The following SLC25A29 variants were observed in gnomAD, a reference collection of about 807,000 sequenced individuals.
SLC25A29 encodes mitochondrial basic amino acids transporter.
A neutral mutation model predicts 10.0 loss-of-function variants in SLC25A29; 13 were observed. The ratio of observed to expected loss-of-function variants is 1.30; its 90% CI spans 0.85 to 2.07. SLC25A29 has a LOEUF of 2.07. SLC25A29 is among the 30% of genes most tolerant of loss of function. The pLI is 0.00. For missense variants in SLC25A29, 475 were observed against 447.6 expected, an observed-to-expected ratio of 1.06 and a Z score of -0.55; for synonymous variants, 244 against 221.1, an observed-to-expected ratio of 1.10 and a Z score of -0.92.
the SLC25A29 span, among the ~76,000 whole-genome samples, chr14:100,285,568 A>AGCCGCC: frequency 4.3e-4 from 65 of 151,616 alleles, no homozygotes; most frequent in Admixed American, 5.9e-4. Context: ...GGTCCCCGCG[A>AGCCGCC]GCCGCCGCCG....
downstream of SLC25A29, among the ~76,000 whole-genome samples, chr14:100,289,389 G>A (rs1370778753): frequency 2.0e-5 from 3 of 152,230 alleles, no homozygotes; most frequent in African/African-American, 7.2e-5. Context: ...ACTTGCCCAA[G>A]ATGTGTTGGA....
intron 2 of SLC25A29, among the ~76,000 whole-genome samples, chr14:100,297,355 G>C (rs112644660): frequency 5.3e-5 from 8 of 152,348 alleles, no homozygotes; most frequent in African/African-American, 1.9e-4. Context: ...CAGAGCACCA[G>C]AACGAAAGTG....
At chr14:100,282,798 G>A in the SLC25A29 span, 6 of 152,236 alleles carry the variant, frequency 3.9e-5, no homozygotes, top group Non-Finnish European at 8.8e-5. Flanking sequence ...TTTAATGCCT[G>A]TGGTTCTTGT....
At chr14:100,305,459 AG>A (rs2139813440) in intron 1 of SLC25A29, 1 of 152,242 alleles carries the variant, frequency 6.6e-6, no homozygotes, top group Admixed American at 6.5e-5. Context: ...AAAGCAGAGA[AG>A]CCAGAGGCCC....
At chr14:100,301,844 A>C (rs748021476) in intron 1 of SLC25A29, among the ~76,000 whole-genome samples, 9 of 151,926 alleles carry the variant, frequency 5.9e-5, no homozygotes, top group Non-Finnish European at 1.2e-4. Flanking sequence ...CATTATATAG[A>C]AACAGGGTAA....
chr14:100,293,047 A>C lies in SLC25A29; in HGVS notation c.163-15T>G. On this transcript the variant is annotated splice_polypyrimidine_tract_variant and intron_variant, in intron 3 of 3. Coordinates refer to ENST00000359232, the MANE Select transcript of SLC25A29 (RefSeq NM_001039355.3). Reference sequence around the variant, plus strand: ...AGGCCCAGCACCTGCGGGGACAGAGACGCCATCAGAGCCGGCAACGCGCAC... The same window carrying C: ...AGGCCCAGCACCTGCGGGGACAGAGCCGCCATCAGAGCCGGCAACGCGCAC... 1 of 1,516,950 alleles carries C rather than the reference A, an allele frequency of 6.6e-7. No homozygotes were observed. The highest frequency in any genetic ancestry group is 8.8e-7 in the Non-Finnish European group (1 of 1,137,004). 94.0% of individuals were successfully genotyped at this position (1,516,950 alleles called of 1,614,324 possible).
chr14:100,296,779 T>C (rs147743408), intron 2 of SLC25A29, among the ~76,000 whole-genome samples: 1 of 152,190 alleles, frequency 6.6e-6, no homozygotes, highest in East Asian at 1.9e-4. Flanking sequence ...TTTGTATGTT[T>C]AGTAGAGACA....
the SLC25A29 span, chr14:100,282,061 G>A: frequency 3.3e-5 from 5 of 152,226 alleles, no homozygotes; most frequent in African/African-American, 9.7e-5. Context: ...GTTAGCATCA[G>A]GTCAGCAGGC....
chr14:100,280,551 T>C, the SLC25A29 span: 22 of 152,220 alleles, frequency 1.4e-4, no homozygotes, highest in African/African-American at 5.3e-4. Flanking sequence ...TGGTTTCATA[T>C]GGTGTTTGTG....
the SLC25A29 span, among the ~76,000 whole-genome samples, chr14:100,284,567 C>T: frequency 8.5e-5 from 13 of 152,350 alleles, no homozygotes; most frequent in African/African-American, 3.1e-4. Flanking sequence ...AATGGATCAC[C>T]TCTTGTCCTG....
chr14:100,292,233 T>C lies in SLC25A29; in HGVS notation c.*50A>G, dbSNP rs1891750836. 4 of 1,526,224 alleles carry C rather than the reference T, an allele frequency of 2.6e-6. No individual in the cohort carries two copies. Among genetic ancestry groups the C allele is most frequent in the Non-Finnish European group, 3.5e-6 (4 of 1,138,454 alleles). 94.5% of individuals were successfully genotyped at this position (1,526,224 alleles called of 1,614,324 possible). ...GGCAATCGACTCAGGGGCCAATTTA[T>C]GTCCCAGGTTTCTGAGAAGGAGCCC... On this transcript the variant is annotated 3_prime_UTR_variant, in exon 4 of 4. Transcript: ENST00000359232.
chr14:100,292,666 G>A lies in SLC25A29; in HGVS notation c.529C>T (p.Arg177Trp), dbSNP rs772653305. ...VYFLTYDALTRALGCEPGDRL... is the reference protein window; with the variant it reads ...VYFLTYDALTWALGCEPGDRL... ...TCGCCCGGCTCGCAGCCCAGCGCCCGCGTGAGAGCGTCATAGGTGAGGAAG... is the reference window on the plus strand; with the variant it reads ...TCGCCCGGCTCGCAGCCCAGCGCCCACGTGAGAGCGTCATAGGTGAGGAAG... The change falls in exon 4 of 4, where the codon CGG (arginine) becomes TGG (tryptophan). Residue 177 changes from arginine to tryptophan, a missense_variant. Coordinates refer to ENST00000359232, the MANE Select transcript of SLC25A29 (RefSeq NM_001039355.3). 6.9e-6 allele frequency: 11 copies of A among 1,599,846 alleles called. No homozygotes were observed. Among genetic ancestry groups the A allele is most frequent in the Admixed American group, 1.7e-5 (1 of 57,682 alleles).
the SLC25A29 span, among the ~76,000 whole-genome samples, chr14:100,284,072 CCCAGTGGCCTCCT>C: frequency 4.3e-4 from 66 of 152,182 alleles, no homozygotes; most frequent in African/African-American, 1.5e-3. Context: ...CACATATGTA[CCCAGTGGCCTCCT>C]CCAAACCACC....
At position 100,297,440 on chromosome 14, in the gene SLC25A29, G is replaced by T. The variant is rs1595362814; in HGVS notation, c.78+1402C>A. Among the ~76,000 whole-genome samples the T allele has an allele frequency of 2.0e-5, 3 of 152,204 alleles. No homozygotes were observed. In the South Asian group the frequency reaches 6.2e-4, roughly 32 times the overall value. On this transcript the variant is annotated intron_variant, in intron 2 of 3. Coordinates refer to ENST00000359232, the MANE Select transcript of SLC25A29 (RefSeq NM_001039355.3). ...AGGTCTGGCCAATTCATAGCTCAGA[G>T]AGCCCAGGCCTCCACGGAGCTGGAA...
At chr14:100,284,865 C>T in the SLC25A29 span, among the ~76,000 whole-genome samples, 2 of 152,164 alleles carry the variant, frequency 1.3e-5, no homozygotes, top group African/African-American at 4.8e-5. Flanking sequence ...AATGGAGAAA[C>T]CTCCTCCCTA....
At chr14:100,286,169 C>G (rs1195849694), downstream of SLC25A29, among the ~76,000 whole-genome samples, 1 of 152,200 alleles carries the variant, frequency 6.6e-6, no homozygotes, top group African/African-American at 2.4e-5. Flanking sequence ...AAAACCCAAC[C>G]TGGCCCTGTA....
intron 1 of SLC25A29, among the ~76,000 whole-genome samples, chr14:100,302,876 G>A (rs1439532758): frequency 1.3e-5 from 2 of 152,022 alleles, no homozygotes; most frequent in African/African-American, 4.8e-5. Flanking sequence ...AGATGCCAAG[G>A]GTGTGTCTTT....
At chr14:100,283,548 C>T in the SLC25A29 span, among the ~76,000 whole-genome samples, 1 of 147,664 alleles carries the variant, frequency 6.8e-6, no homozygotes, top group Admixed American at 6.7e-5. Context: ...CAGTGGCGCG[C>T]AATCTCAGCT....
rs760139351 is a variant in SLC25A29 at position 100,293,330 on chromosome 14, C to T, written c.126G>A (p.Thr42=). The change falls in exon 3 of 4, where the codon ACG becomes ACA. Residue 42 remains threonine, a synonymous_variant. Coordinates refer to ENST00000359232, the MANE Select transcript of SLC25A29 (RefSeq NM_001039355.3). ...TGATGATGGACTTGAAGCAGTGCAA[C>T]GTCCCGCGGTACTGAGGCTTCTCCA... is the stretch of plus-strand genomic sequence containing the variant. ...QSVEKPQYRG[T]LHCFKSIIKQ... The T allele has an allele frequency of 7.4e-6, 12 of 1,613,344 alleles. No individual in the cohort carries two copies. Among genetic ancestry groups the T allele is most frequent in the South Asian group, 1.1e-5 (1 of 91,074 alleles).
Sources: allele counts gnomAD v4.1 joint callset (sites outside exome capture counted in the v4.1 genomes callset), GRCh38; gene constraint gnomAD v4.1.1; transcripts MANE v1.5; gene names NCBI Gene and HGNC (gene_info 2026-07-23, HGNC 2026-07-21).